Variants in XIRP2 observed in about 807,000 individuals in gnomAD.
XIRP2 encodes xin actin-binding repeat-containing protein 2.
Under a neutral mutation model 277.0 loss-of-function variants are expected in XIRP2, and 236 were observed. The ratio of observed to expected loss-of-function variants is 0.85; its 90% confidence interval spans 0.77 to 0.95. The LOEUF (loss-of-function observed/expected upper bound fraction) is 0.95. Ranked by LOEUF, XIRP2 falls within the 40% of genes least tolerant of loss-of-function variation. The probability of loss-of-function intolerance (pLI) is 0.00; values close to 1 mark genes in which losing one functional copy is unlikely to be tolerated. For missense variants in XIRP2, 4,640 were observed against 4,157.5 expected, an observed-to-expected ratio of 1.12 and a Z score of -3.19; for synonymous variants, 1,490 against 1,416.5, an observed-to-expected ratio of 1.05 and a Z score of -1.17.
intron 3 of XIRP2, among the ~76,000 whole-genome samples, chr2:167,154,153 T>C (rs1005232255): frequency 3.3e-5 from 5 of 149,682 alleles, no homozygotes; most frequent in Admixed American, 3.3e-4. Flanking sequence ...ATTTCTCTGA[T>C]GGCCAGTGAT....
At chr2:167,055,748 CA>C (rs1689022031) in intron 2 of XIRP2, among the ~76,000 whole-genome samples, 2 of 152,160 alleles carry the variant, frequency 1.3e-5, no homozygotes, top group African/African-American at 2.4e-5. Context: ...AAACAAACTC[CA>C]AAAAAGTAGT....
chr2:167,143,850 T>C (rs1040841906), intron 3 of XIRP2, among the ~76,000 whole-genome samples: 1 of 151,954 alleles, frequency 6.6e-6, no homozygotes, highest in African/African-American at 2.4e-5. Flanking sequence ...ACATGGGCAA[T>C]AGAAAAAAAG....
chr2:167,174,331 G>T (rs1202259999), intron 3 of XIRP2, among the ~76,000 whole-genome samples: 1 of 152,056 alleles, frequency 6.6e-6, no homozygotes, highest in African/African-American at 2.4e-5. Context: ...CTTCTTCCTG[G>T]TTTAGTCTTG....
rs148554343 is a variant in XIRP2, at chr2:167,152,975, G to T, written c.562+16913G>T. 2.0e-5 allele frequency among the ~76,000 whole-genome samples: 3 copies of T among 152,054 alleles called. 1 individual carries two copies. In the East Asian group the frequency reaches 5.8e-4, roughly 29 times the overall value. On this transcript the variant is annotated intron_variant, in intron 3 of 10. Transcript: ENST00000409195. Reference sequence around the variant, plus strand: ...CAAATGCAAACTTTCCCCCTATTTCGCAGGCAACCTCTGCGTGTATCTACA... The same window carrying T: ...CAAATGCAAACTTTCCCCCTATTTCTCAGGCAACCTCTGCGTGTATCTACA...
At chr2:167,153,921 C>T (rs1692102783) in intron 3 of XIRP2, among the ~76,000 whole-genome samples, 2 of 151,376 alleles carry the variant, frequency 1.3e-5, no homozygotes, top group South Asian at 2.1e-4. Context: ...TGGGCATATA[C>T]CCAGTAATGG....
intron 2 of XIRP2, among the ~76,000 whole-genome samples, chr2:166,986,851 C>T (rs1189514868): frequency 1.3e-5 from 2 of 152,166 alleles, no homozygotes; most frequent in Non-Finnish European, 2.9e-5. Context: ...AGATTCTGAC[C>T]TTCTTTGTTT....
intron 2 of XIRP2, among the ~76,000 whole-genome samples, chr2:166,917,890 A>C (rs778980336): frequency 4.1e-4 from 63 of 152,180 alleles, no homozygotes; most frequent in Non-Finnish European, 7.6e-4. Context: ...AAATACCGTA[A>C]GTGACTATTT....
chr2:167,068,389 T>C (rs551024308), intron 2 of XIRP2, among the ~76,000 whole-genome samples: 1 of 152,342 alleles, frequency 6.6e-6, no homozygotes, highest in South Asian at 2.1e-4. Flanking sequence ...TGTATATCTG[T>C]TACAATTGTT....
At chr2:167,148,498 A>G (rs1691925699) in intron 3 of XIRP2, among the ~76,000 whole-genome samples, 2 of 139,094 alleles carry the variant, frequency 1.4e-5, no homozygotes, top group South Asian at 5.3e-4. Flanking sequence ...AGAGGAAAGA[A>G]GGAAGGGAGG....
intron 2 of XIRP2, among the ~76,000 whole-genome samples, chr2:167,121,594 C>A (rs559733465): frequency 6.6e-6 from 1 of 152,024 alleles, no homozygotes; most frequent in Admixed American, 6.6e-5. Context: ...GTTTTCTTTT[C>A]ATTATAATTC....
At chr2:167,014,580 A>G (rs1487988267) in intron 2 of XIRP2, among the ~76,000 whole-genome samples, 1 of 151,770 alleles carries the variant, frequency 6.6e-6, no homozygotes, top group Non-Finnish European at 1.5e-5. Flanking sequence ...ATATAAAAGC[A>G]AAGATGAAAC....
intron 2 of XIRP2, among the ~76,000 whole-genome samples, chr2:167,118,472 AC>A (rs929711739): frequency 1.4e-5 from 2 of 140,726 alleles, no homozygotes; most frequent in Non-Finnish European, 3.1e-5. Context: ...ACACAGCAAG[AC>A]TCTGTCTCGA....
At chr2:167,084,016 G>A (rs913735686) in intron 2 of XIRP2, among the ~76,000 whole-genome samples, 1 of 151,496 alleles carries the variant, frequency 6.6e-6, no homozygotes, top group Admixed American at 6.6e-5. Flanking sequence ...CCTGTCTTGT[G>A]CCAGTTTTCA....
At chr2:167,215,337 T>C (rs1467902614) in intron 4 of XIRP2, among the ~76,000 whole-genome samples, 2 of 152,182 alleles carry the variant, frequency 1.3e-5, no homozygotes, top group Non-Finnish European at 2.9e-5. Context: ...AGCACAATCA[T>C]CTCTTCTCAA....
intron 5 of XIRP2, among the ~76,000 whole-genome samples, chr2:167,238,725 A>G (rs1044114230): frequency 2.6e-5 from 4 of 152,216 alleles, no homozygotes; most frequent in African/African-American, 9.6e-5. Flanking sequence ...TCTCAAAAAT[A>G]ATATTTATTA....
intron 10 of XIRP2, among the ~76,000 whole-genome samples, chr2:167,255,840 C>G (rs1349173021): frequency 2.0e-5 from 3 of 151,842 alleles, no homozygotes; most frequent in African/African-American, 7.3e-5. Flanking sequence ...TTCTTACATG[C>G]TGATAACAAT....
chr2:167,244,173 T>C lies in XIRP2; in HGVS notation c.2781T>C (p.Asp927=). The part of the protein sequence containing the change: ...ETQPLEDIRK[D]KKEYTRTVKL... ...AACCTCTGGAAGACATTAGAAAAGA[T>C]AAAAAGGAGTACACACGAACAGTGA... Residue 927 remains aspartate, a synonymous_variant, in exon 9 of 11, where the codon GAT becomes GAC. Coordinates refer to ENST00000409195, the MANE Select transcript of XIRP2 (RefSeq NM_152381.6). 6.2e-7 allele frequency: 1 copy of C among 1,613,654 alleles called. No individual in the cohort carries two copies. The highest frequency in any genetic ancestry group is 1.7e-5 in the Admixed American group (1 of 59,954).
intron 2 of XIRP2, among the ~76,000 whole-genome samples, chr2:166,926,775 A>G (rs1685198786): frequency 6.6e-6 from 1 of 152,172 alleles, no homozygotes; most frequent in African/African-American, 2.4e-5. Context: ...ACTAGAGAGC[A>G]GAGGAAACAT....
chr2:167,027,177 A>T (rs547316909), intron 2 of XIRP2, among the ~76,000 whole-genome samples: 1 of 151,966 alleles, frequency 6.6e-6, no homozygotes, highest in Non-Finnish European at 1.5e-5. Flanking sequence ...ACATAGTCCT[A>T]TATTTCTTGG....
Sources: allele counts gnomAD v4.1 joint callset (sites outside exome capture counted in the v4.1 genomes callset), GRCh38; gene constraint gnomAD v4.1.1; transcripts MANE v1.5; gene names NCBI Gene and HGNC (gene_info 2026-07-23, HGNC 2026-07-21).